The following ABHD12 variants were observed in gnomAD, a reference collection of about 807,000 sequenced individuals.
ABHD12 encodes lysophosphatidylserine lipase ABHD12.
In ABHD12, 43 loss-of-function variants were observed where a neutral mutation model predicts 58.3. That is an observed-to-expected ratio of 0.74 (90% CI 0.58 to 0.95). The LOEUF (loss-of-function observed/expected upper bound fraction) is 0.95. ABHD12 is among the 40% of genes least tolerant of loss of function. ABHD12 has a pLI of 0.00. For missense variants in ABHD12, 539 were observed against 537.2 expected, an observed-to-expected ratio of 1.00 and a Z score of -0.03; for synonymous variants, 219 against 211.2, an observed-to-expected ratio of 1.04 and a Z score of -0.32.
intron 1 of ABHD12, among the ~76,000 whole-genome samples, chr20:25,383,101 T>C (rs2090041965): frequency 6.6e-6 from 1 of 152,060 alleles, no homozygotes; most frequent in Non-Finnish European, 1.5e-5. Flanking sequence ...CTTCCTAATC[T>C]GTAAAGAAAA....
At chr20:25,339,452 A>T (rs1055564696) in intron 1 of ABHD12, 101 bp from the exon 2 acceptor site, 21 of 1,545,016 alleles carry the variant, frequency 1.4e-5, no homozygotes, top group Non-Finnish European at 1.9e-5. Context: ...AGCCACACAT[A>T]TTTTTTTTTC....
intron 2 of ABHD12, among the ~76,000 whole-genome samples, chr20:25,334,606 G>C (rs1349793874): frequency 6.6e-6 from 1 of 151,838 alleles, no homozygotes; most frequent in Non-Finnish European, 1.5e-5. Flanking sequence ...CCAAAACAGA[G>C]ATATAGATCA....
chr20:25,359,295 GCGCCTGTAGTCC>G (rs1416676762), intron 1 of ABHD12, among the ~76,000 whole-genome samples: 2 of 150,104 alleles, frequency 1.3e-5, no homozygotes, highest in Admixed American at 6.6e-5. Flanking sequence ...GTGATGGCGG[GCGCCTGTAGTCC>G]CAGCTACTCG....
intron 1 of ABHD12, among the ~76,000 whole-genome samples, chr20:25,363,447 G>A (rs2089779821): frequency 6.6e-6 from 1 of 151,392 alleles, no homozygotes; most frequent in Non-Finnish European, 1.5e-5. Context: ...TGCATCTCCT[G>A]ACCTCGTGAT....
chr20:25,346,596 T>C (rs146068709), intron 1 of ABHD12, among the ~76,000 whole-genome samples: 68 of 152,264 alleles, frequency 4.5e-4, no homozygotes, highest in African/African-American at 1.4e-3. Flanking sequence ...GGAAATTCTG[T>C]ACTTTCCACT....
Position 25,362,913 on chromosome 20 carries a change from T to G in ABHD12, c.192-23562A>C, listed in dbSNP as rs769414407. 1.2e-4 allele frequency among the ~76,000 whole-genome samples: 19 copies of G among 152,154 alleles called. No individual in the cohort carries two copies. In the South Asian group the frequency reaches 3.7e-3, roughly 30 times the overall value. ...CTCTCGAAGTCCCAACCTCAGGTGA[T>G]CTGCCCACCTCGGCCTCCCAAAGTG... On this transcript the variant is annotated intron_variant, in intron 1 of 12. Coordinates refer to ENST00000339157, the MANE Select transcript of ABHD12 (RefSeq NM_001042472.3).
At chr20:25,314,891 T>C (rs781017760) in intron 6 of ABHD12, 34 bp downstream of exon 6, 24 of 1,612,954 alleles carry the variant, frequency 1.5e-5, no homozygotes, top group Non-Finnish European at 2.0e-5. Context: ...AGCAGTGGAA[T>C]TGTGCTCAGA....
Position 25,347,443 on chromosome 20 carries a change from C to T in ABHD12, c.192-8092G>A, listed in dbSNP as rs144919407. ...TTTTTCTTCATTTAATTATGAACTACTAACTATATTATTTTAATACCTAAG... is the reference window on the plus strand; with the variant it reads ...TTTTTCTTCATTTAATTATGAACTATTAACTATATTATTTTAATACCTAAG... On this transcript the variant is annotated intron_variant, in intron 1 of 12. Coordinates refer to ENST00000339157, the MANE Select transcript of ABHD12 (RefSeq NM_001042472.3). Among the ~76,000 whole-genome samples, 199 of 152,254 alleles carry T rather than the reference C, an allele frequency of 1.3e-3. 1 individual carries two copies. Among genetic ancestry groups the T allele is most frequent in the African/African-American group, 4.2e-3 (176 of 41,548 alleles).
At position 25,300,252 on chromosome 20, in the gene ABHD12, C is replaced by CT. The variant is rs1371040112; in HGVS notation, c.*592dup. 5 of 1,008,592 alleles carry CT rather than the reference C, an allele frequency of 5.0e-6. No individual in the cohort carries two copies. The African/African-American group carries it at 6.9e-5, about 14-fold the overall frequency. The allele number at this position is 1,008,592 out of a possible 1,614,324, so 62.5% of individuals were successfully genotyped here. ...ATTTTATTCTTAAATAAAGCTCAGT[C>CT]TAAGGCCAGGTTAGGTGTACAGGTA... On this transcript the variant is annotated 3_prime_UTR_variant, in exon 13 of 13. Coordinates refer to ENST00000339157, the MANE Select transcript of ABHD12 (RefSeq NM_001042472.3).
chr20:25,385,858 G>A (rs1019309107), intron 1 of ABHD12, among the ~76,000 whole-genome samples: 6 of 151,970 alleles, frequency 3.9e-5, no homozygotes, highest in Non-Finnish European at 7.4e-5. Context: ...CAGCACTTTC[G>A]GAGTCCAAGG....
At chr20:25,322,665 G>T (rs1281129678) in intron 3 of ABHD12, among the ~76,000 whole-genome samples, 1 of 151,688 alleles carries the variant, frequency 6.6e-6, no homozygotes, top group East Asian at 1.9e-4. Flanking sequence ...GATTACAGGC[G>T]TGAGCCACCG....
At chr20:25,303,127 A>T (rs1460145722) in intron 11 of ABHD12, 1 of 740,380 alleles carries the variant, frequency 1.4e-6, no homozygotes. Context: ...ATCAATTTTG[A>T]CTGTGACCCC....
At chr20:25,364,146 A>G (rs929691094) in intron 1 of ABHD12, among the ~76,000 whole-genome samples, 1 of 152,192 alleles carries the variant, frequency 6.6e-6, no homozygotes, top group Non-Finnish European at 1.5e-5. Context: ...GGCCATACTA[A>G]GACTCTCCTA....
chr20:25,300,387 G>A lies in ABHD12; in HGVS notation c.*458C>T, dbSNP rs2088613323. On this transcript the variant is annotated 3_prime_UTR_variant, in exon 13 of 13. Transcript: ENST00000339157. ...GGCAAGCAGGTACACAGGGCAGGAGGGGACGATGGAACCACTGGAGTCATT... is the reference window on the plus strand; with the variant it reads ...GGCAAGCAGGTACACAGGGCAGGAGAGGACGATGGAACCACTGGAGTCATT... 8.0e-6 allele frequency: 9 copies of A among 1,123,400 alleles called. No individual in the cohort carries two copies. Among genetic ancestry groups the A allele is most frequent in the South Asian group, 4.5e-5 (2 of 44,376 alleles). The allele number at this position is 1,123,400 out of a possible 1,614,324, so 69.6% of individuals were successfully genotyped here. A position where few individuals can be genotyped will look rare whatever the true frequency, so the allele number is the denominator to read the frequency against.
chr20:25,304,956 A>G (rs1166200362), intron 10 of ABHD12, among the ~76,000 whole-genome samples: 4 of 149,978 alleles, frequency 2.7e-5, no homozygotes, highest in African/African-American at 9.9e-5. Flanking sequence ...CAATGGCATG[A>G]TCTTGGCTCA....
At chr20:25,348,872 GGAGATT>G (rs1396155203) in intron 1 of ABHD12, among the ~76,000 whole-genome samples, 1 of 152,030 alleles carries the variant, frequency 6.6e-6, no homozygotes, top group Non-Finnish European at 1.5e-5. Flanking sequence ...CACGAGGTCA[GGAGATT>G]GAGACCACCC....
chr20:25,374,596 T>A (rs547449622), intron 1 of ABHD12, among the ~76,000 whole-genome samples: 2 of 151,674 alleles, frequency 1.3e-5, no homozygotes, highest in East Asian at 3.9e-4. Flanking sequence ...CAGGTTCAAG[T>A]GATTCTCCTG....
chr20:25,383,024 CA>C (rs1447846214), intron 1 of ABHD12, among the ~76,000 whole-genome samples: 2 of 152,062 alleles, frequency 1.3e-5, no homozygotes, highest in African/African-American at 4.8e-5. Context: ...GAGGGTGGAG[CA>C]AAAGGAAAAA....
intron 1 of ABHD12, 33 bp from the exon 2 acceptor site, chr20:25,339,384 G>A: frequency 1.2e-6 from 2 of 1,613,832 alleles, no homozygotes; most frequent in Non-Finnish European, 1.7e-6. Context: ...AGGTCAGAAG[G>A]CAGTAGGTGC....
Sources: gnomAD v4.1 joint callset for allele counts (sites outside exome capture counted in the v4.1 genomes callset) on GRCh38, gnomAD v4.1.1 for gene constraint, MANE v1.5 for transcripts, NCBI Gene and HGNC (gene_info 2026-07-23, HGNC 2026-07-21) for gene names.